Variants in GIPC1 observed in about 807,000 individuals in gnomAD.
The protein encoded by GIPC1 is PDZ domain-containing protein GIPC1.
In GIPC1, 15 loss-of-function variants were observed where a neutral mutation model predicts 28.5. The observed-to-expected ratio is 0.53, with a 90% CI of 0.35 to 0.81. GIPC1 has a LOEUF of 0.81. Among genes scored for constraint, GIPC1 ranks in the 30% least tolerant of loss-of-function variants. The pLI is 0.01. For missense variants in GIPC1, 439 were observed against 481.9 expected (o/e 0.91, Z 0.83); for synonymous variants, 224 against 206.1 (o/e 1.09, Z -0.74).
intron 3 of GIPC1, chr19:14,489,517 G>T (rs202021165): frequency 3.4e-5 from 30 of 890,442 alleles, no homozygotes; most frequent in Non-Finnish European, 5.2e-5. Flanking sequence ...TGTGATAGAT[G>T]AATGTGTGGA....
rs1464281217 is a variant in GIPC1, at chr19:14,496,088, C to CGCCGCCGCCGCCG, written c.-227_-226insCGGCGGCGGCGGC. The CGCCGCCGCCGCCG allele has an allele frequency of 8.7e-6, 2 of 230,944 alleles. No individual in the cohort carries two copies. Among genetic ancestry groups the CGCCGCCGCCGCCG allele is most frequent in the Non-Finnish European group, 1.6e-5 (2 of 122,370 alleles). The allele number at this position is 230,944 out of a possible 1,614,324, so 14.3% of individuals were successfully genotyped here. Reference sequence around the variant, plus strand: ...CCGCCGCCGCCGCTGCCTCCGCCTCCCCGTGCGCACCCGGCTCGGCCCTCC... The same window carrying CGCCGCCGCCGCCG: ...CCGCCGCCGCCGCTGCCTCCGCCTCCGCCGCCGCCGCCGCCGTGCGCACCCGGCTCGGCCCTCC... On this transcript the variant is annotated 5_prime_UTR_variant, in exon 1 of 9. Transcript: ENST00000393033.
intron 3 of GIPC1, among the ~76,000 whole-genome samples, chr19:14,486,937 G>A (rs1393939870): frequency 2.6e-5 from 4 of 151,102 alleles, no homozygotes; most frequent in South Asian, 2.1e-4. Context: ...CGCCCGGCCC[G>A]CTTCTTTATT....
At chr19:14,488,828 C>T (rs1224836489) in intron 3 of GIPC1, among the ~76,000 whole-genome samples, 3 of 147,040 alleles carry the variant, frequency 2.0e-5, no homozygotes, top group Non-Finnish European at 4.5e-5. Flanking sequence ...ATGCAATTGG[C>T]ATGTTTGAGG....
chr19:14,493,493 TGTCACCCAG>T (rs2072013521), intron 1 of GIPC1, among the ~76,000 whole-genome samples: 1 of 151,898 alleles, frequency 6.6e-6, no homozygotes, highest in Non-Finnish European at 1.5e-5. Flanking sequence ...AGTCTTGCTC[TGTCACCCAG>T]GTTGGAGTGC....
intron 4 of GIPC1, among the ~76,000 whole-genome samples, chr19:14,481,398 T>G (rs1469469086): frequency 6.6e-6 from 1 of 152,172 alleles, no homozygotes; most frequent in South Asian, 2.1e-4. Context: ...TGTGCACCAC[T>G]GTACCCAGCT....
At position 14,478,563 on chromosome 19, in the gene GIPC1, GGCC is replaced by G. The variant is rs924786173; in HGVS notation, c.852_854del (p.Ala285del). On this transcript the variant is annotated inframe_deletion and splice_region_variant, in exon 9 of 9. Coordinates refer to ENST00000393033, the MANE Select transcript of GIPC1 (RefSeq NM_005716.4). The surrounding 1 kb of genome is among the most constrained non-coding windows in gnomAD (Gnocchi z 5.2). ...TGTCCTTTCCCAGCTCCACCATGGT[GGCC>G]GCTATTGGGGGAGGGGTCAGAACGG... The G allele has an allele frequency of 6.2e-7, 1 of 1,614,012 alleles. No homozygotes were observed.
Position 14,482,877 on chromosome 19 carries a change from G to A in GIPC1, c.100C>T (p.Pro34Ser), listed in dbSNP as rs753274158. ...RGGLGVGEPG[P>S]LGGGGSGGPQ... is the part of the protein sequence containing the mutation. ...CCCCCCGACCCACCTCCGCCCAGAG[G>A]CCCTGGCTCCCCCACGCCCAGCCCT... The change falls in exon 4 of 9, where the codon CCT becomes TCT. Residue 34 changes from proline (P) to serine (S), a missense_variant. Transcript: ENST00000393033. 8 of 1,584,432 alleles carry A rather than the reference G, an allele frequency of 5.0e-6. No individual in the cohort carries two copies. The highest frequency in any genetic ancestry group is 6.0e-6 in the Non-Finnish European group (7 of 1,165,846).
At chr19:14,479,151 C>T (rs1168059686) in intron 7 of GIPC1, among the ~76,000 whole-genome samples, 1 of 152,104 alleles carries the variant, frequency 6.6e-6, no homozygotes, top group East Asian at 1.9e-4. Context: ...TCGAGACCAA[C>T]TCCTGGCCTG....
rs150721351 is a variant in GIPC1, at chr19:14,483,411, G to A, written c.-30-405C>T. ...GTGGAGGTTGCGGTGACCCAAGATC[G>A]CACCACTGCACTCTAGCCTGGGTGA... On this transcript the variant is annotated intron_variant, in intron 3 of 8. Transcript: ENST00000393033. 7.1e-4 allele frequency: 119 copies of A among 167,946 alleles called. 3 individuals are homozygous for A. In the East Asian group the frequency reaches 0.02, roughly 28 times the overall value. 10.4% of individuals were successfully genotyped at this position (167,946 alleles called of 1,614,324 possible).
chr19:14,486,539 C>CT (rs1354049487), intron 3 of GIPC1, among the ~76,000 whole-genome samples: 1 of 152,102 alleles, frequency 6.6e-6, no homozygotes, highest in Non-Finnish European at 1.5e-5. Context: ...GGTGGCGACT[C>CT]TATGAGGCCG....
intron 1 of GIPC1, among the ~76,000 whole-genome samples, chr19:14,493,721 G>A (rs776378948): frequency 2.0e-5 from 3 of 151,862 alleles, no homozygotes; most frequent in Non-Finnish European, 4.4e-5. Flanking sequence ...GTGCAATGGC[G>A]CGATCTTGGC....
chr19:14,479,352 CAA>C (rs756237132), intron 7 of GIPC1, 58 bp downstream of exon 7: 3,659 of 589,590 alleles, frequency 6.2e-3, no homozygotes, highest in South Asian at 0.02. Context: ...GACTCTGTCT[CAA>C]AAAAAAAAAA....
intron 1 of GIPC1, among the ~76,000 whole-genome samples, chr19:14,494,206 T>C (rs2072030347): frequency 6.6e-6 from 1 of 150,824 alleles, no homozygotes. Flanking sequence ...GACCCACCTG[T>C]CTCAGCCTCC....
At chr19:14,485,381 C>A (rs950466225) in intron 3 of GIPC1, among the ~76,000 whole-genome samples, 8 of 150,840 alleles carry the variant, frequency 5.3e-5, no homozygotes, top group African/African-American at 1.7e-4. Flanking sequence ...AGGCCTGGTG[C>A]GATGGCTCAC....
chr19:14,480,897 T>C (rs1171107449), intron 4 of GIPC1, 119 bp from the exon 5 acceptor site: 2 of 724,340 alleles, frequency 2.8e-6, no homozygotes, highest in African/African-American at 1.8e-5. Flanking sequence ...CAGTAACTCA[T>C]CACCCACTGA....
chr19:14,479,361 A>C, intron 7 of GIPC1, 51 bp downstream of exon 7: 1 of 819,330 alleles, frequency 1.2e-6, no homozygotes, highest in Non-Finnish European at 1.8e-6. Flanking sequence ...TCAAAAAAAA[A>C]AAAAAGAAAG....
At chr19:14,483,277 G>C (rs1484318857) in intron 3 of GIPC1, 1 of 345,628 alleles carries the variant, frequency 2.9e-6, no homozygotes, top group Non-Finnish European at 5.3e-6. Flanking sequence ...CCAACATGGT[G>C]AAACCCCACC....
intron 1 of GIPC1, among the ~76,000 whole-genome samples, chr19:14,493,235 G>A (rs1201214495): frequency 6.6e-6 from 1 of 152,154 alleles, no homozygotes; most frequent in Admixed American, 6.6e-5. Context: ...CCAGCTTCAG[G>A]CTGTCATTTA....
chr19:14,483,368 A>AT (rs1205658937), intron 3 of GIPC1: 3 of 190,218 alleles, frequency 1.6e-5, no homozygotes, highest in Non-Finnish European at 3.3e-5. Flanking sequence ...AGGCACAAGA[A>AT]TAGCTTGAAC....
Sources: gnomAD v4.1 joint callset for allele counts (sites outside exome capture counted in the v4.1 genomes callset) on GRCh38, gnomAD v4.1.1 for gene constraint, Gnocchi (gnomAD v3.1) non-coding constraint, MANE v1.5 for transcripts, NCBI Gene and HGNC (gene_info 2026-07-23, HGNC 2026-07-21) for gene names.